The following RANBP17 variants were observed in gnomAD, a reference collection of about 807,000 sequenced individuals.
RANBP17 encodes the protein RAN binding protein 17.
RANBP17 carries 158 observed loss-of-function variants against 141.2 expected under a neutral mutation model. The ratio of observed to expected loss-of-function variants is 1.12; its 90% CI spans 0.98 to 1.28. The LOEUF (loss-of-function observed/expected upper bound fraction) is 1.28, where lower values mean the gene tolerates loss of function less well. Ranked by LOEUF, RANBP17 falls within the 50% of genes most tolerant of loss-of-function variation. RANBP17 has a pLI of 0.00. For missense variants in RANBP17, 1,438 were observed against 1,290.7 expected (o/e 1.11, Z -1.75); for synonymous variants, 430 against 450.0 (o/e 0.96, Z 0.56).
intron 22 of RANBP17, among the ~76,000 whole-genome samples, chr5:171,231,138 G>A (rs2127989666): frequency 7.1e-6 from 1 of 140,970 alleles, no homozygotes; most frequent in African/African-American, 2.6e-5. Context: ...AGTCGAGATA[G>A]GGCCTCACTA....
chr5:171,213,584 A>G, intron 20 of RANBP17, 47 bp from the exon 21 acceptor site: 1 of 1,334,104 alleles, frequency 7.5e-7, no homozygotes, highest in Non-Finnish European at 1.1e-6. Flanking sequence ...ATTTTCAGAA[A>G]CAGTATTTCT....
intron 14 of RANBP17, among the ~76,000 whole-genome samples, chr5:170,972,623 GTTTCCAGATTTTCAATTT>G (rs1297351389): frequency 6.6e-6 from 1 of 152,006 alleles, no homozygotes; most frequent in Non-Finnish European, 1.5e-5. Context: ...ATGTTAGATT[GTTTCCAGATTTTCAATTT>G]TTACAAACAA....
chr5:170,957,141 A>C (rs190255343), intron 13 of RANBP17, among the ~76,000 whole-genome samples: 3 of 151,830 alleles, frequency 2.0e-5, no homozygotes, highest in Non-Finnish European at 4.4e-5. Flanking sequence ...GAGAAAACGT[A>C]TATTAGGAAA....
intron 14 of RANBP17, among the ~76,000 whole-genome samples, chr5:171,089,580 A>C (rs1322426301): frequency 6.7e-6 from 1 of 148,828 alleles, no homozygotes; most frequent in Non-Finnish European, 1.5e-5. Flanking sequence ...TTGCAGTTTG[A>C]TCTCAGACTG....
At chr5:171,152,602 G>C (rs947003800) in intron 14 of RANBP17, among the ~76,000 whole-genome samples, 7 of 152,044 alleles carry the variant, frequency 4.6e-5, no homozygotes, top group Non-Finnish European at 7.4e-5. Context: ...CCATAATCTA[G>C]CTCCATCTAC....
intron 12 of RANBP17, among the ~76,000 whole-genome samples, chr5:170,926,077 C>T (rs1409760274): frequency 6.6e-6 from 1 of 152,176 alleles, no homozygotes; most frequent in Non-Finnish European, 1.5e-5. Context: ...TACTATTTGA[C>T]ATCCTACCAA....
At chr5:170,880,832 T>C (rs1278654650) in intron 2 of RANBP17, among the ~76,000 whole-genome samples, 1 of 152,220 alleles carries the variant, frequency 6.6e-6, no homozygotes. Flanking sequence ...GTGCTGGTAA[T>C]AATAAAAGGT....
chr5:171,088,341 T>C (rs991161309), intron 14 of RANBP17, among the ~76,000 whole-genome samples: 16 of 152,178 alleles, frequency 1.1e-4, no homozygotes, highest in Admixed American at 9.8e-4. Context: ...CGCTGTTGGT[T>C]TGGTGGGCTT....
intron 13 of RANBP17, among the ~76,000 whole-genome samples, chr5:170,963,526 G>GA (rs1776295393): frequency 6.6e-6 from 1 of 152,188 alleles, no homozygotes; most frequent in African/African-American, 2.4e-5. Flanking sequence ...AGTAGAAGAT[G>GA]GTTTTTCCAT....
intron 14 of RANBP17, chr5:171,158,262 T>G (rs1759042485): frequency 5.7e-6 from 1 of 176,814 alleles, no homozygotes; most frequent in Non-Finnish European, 1.2e-5. Context: ...CTCCCCATAA[T>G]GTTTCTTTTG....
chr5:170,913,528 C>T (rs1287524966), intron 7 of RANBP17, among the ~76,000 whole-genome samples: 2 of 151,908 alleles, frequency 1.3e-5, no homozygotes, highest in African/African-American at 2.4e-5. Flanking sequence ...ACAGCTCAGC[C>T]GTTAATATTA....
At chr5:171,252,263 G>A (rs548317541) in intron 24 of RANBP17, 9 of 1,561,306 alleles carry the variant, frequency 5.8e-6, no homozygotes, top group Middle Eastern at 2.1e-4. Context: ...AAACAAAATG[G>A]CCGCTTACCT....
intron 14 of RANBP17, among the ~76,000 whole-genome samples, chr5:171,054,320 C>A (rs1194869054): frequency 6.6e-6 from 1 of 152,152 alleles, no homozygotes; most frequent in Non-Finnish European, 1.5e-5. Context: ...ACTGCGATTA[C>A]ACTTATAGTT....
At chr5:171,252,441 A>G (rs1246040081) in intron 24 of RANBP17, 4 of 1,504,358 alleles carry the variant, frequency 2.7e-6, no homozygotes, top group Non-Finnish European at 3.7e-6. Flanking sequence ...AACAAAATAC[A>G]TCAATTACTC....
At chr5:171,038,218 T>C (rs1238731111) in intron 14 of RANBP17, among the ~76,000 whole-genome samples, 1 of 151,526 alleles carries the variant, frequency 6.6e-6, no homozygotes, top group Non-Finnish European at 1.5e-5. Context: ...CAATTATAAA[T>C]GTGATTTTAT....
At position 171,190,008 on chromosome 5, in the gene RANBP17, T is replaced by C. The variant is rs577501909; in HGVS notation, c.2038+6578T>C. Among the ~76,000 whole-genome samples the C allele has an allele frequency of 9.2e-5, 14 of 152,146 alleles. No individual in the cohort carries two copies. In the East Asian group the frequency reaches 2.7e-3, roughly 29 times the overall value. On this transcript the variant is annotated intron_variant, in intron 18 of 27. Transcript: ENST00000523189. The stretch of plus-strand genomic sequence containing the variant: ...AAAAAAGACAAACTTTTTATATCAC[T>C]GATTTTGGAGAGTGGGAGTGGGGAT...
At chr5:171,033,470 C>T (rs1781678466) in intron 14 of RANBP17, among the ~76,000 whole-genome samples, 1 of 152,122 alleles carries the variant, frequency 6.6e-6, no homozygotes, top group Non-Finnish European at 1.5e-5. Context: ...TAACCTGGGA[C>T]CATGCTGTCC....
chr5:171,064,177 C>T (rs1348892083), intron 14 of RANBP17, among the ~76,000 whole-genome samples: 5 of 152,162 alleles, frequency 3.3e-5, no homozygotes, highest in Admixed American at 6.5e-5. Flanking sequence ...CACTGTCCTG[C>T]GCCCACTGTC....
intron 14 of RANBP17, among the ~76,000 whole-genome samples, chr5:171,010,504 A>T (rs1430430600): frequency 6.6e-6 from 1 of 152,208 alleles, no homozygotes; most frequent in Admixed American, 6.5e-5. Context: ...CCAAGATTAT[A>T]TGAAGTGCCC....
Sources: gnomAD v4.1 joint callset for allele counts (sites outside exome capture counted in the v4.1 genomes callset) on GRCh38, gnomAD v4.1.1 for gene constraint, MANE v1.5 for transcripts, NCBI Gene and HGNC (gene_info 2026-07-23, HGNC 2026-07-21) for gene names.